The following EYS variants were observed in gnomAD, a reference collection of about 807,000 sequenced individuals.
EYS encodes the protein EGF-like photoreceptor maintenance factor.
EYS carries 250 observed loss-of-function variants against 282.1 expected under a neutral mutation model. That is an observed-to-expected ratio of 0.89 (90% CI 0.80 to 0.98). The LOEUF (loss-of-function observed/expected upper bound fraction) is 0.98. Among genes scored for constraint, EYS ranks in the 50% least tolerant of loss-of-function variants. EYS has a pLI of 0.00. For synonymous variants in EYS, 1,355 were observed against 1,282.9 expected, an observed-to-expected ratio of 1.06 and a Z score of -1.20; for missense variants, 4,016 against 3,709.0, an observed-to-expected ratio of 1.08 and a Z score of -2.15.
intron 22 of EYS, among the ~76,000 whole-genome samples, chr6:64,687,972 A>T (rs2149911387): frequency 6.6e-6 from 1 of 152,072 alleles, no homozygotes; most frequent in Non-Finnish European, 1.5e-5. Context: ...TGTGTCCAGG[A>T]ATTTATCAAT....
rs142974254 is a variant in EYS at position 63,851,092 on chromosome 6, T to C, written c.7228+13094A>G. On this transcript the variant is annotated intron_variant, in intron 36 of 42. Transcript: ENST00000503581. The stretch of plus-strand genomic sequence containing the variant: ...AGAGACAAAGAAGGGCATTACATAA[T>C]GTAAGGGGATTCATGCAACAAGAAG... Among the ~76,000 whole-genome samples, 613 of 152,248 alleles carry C rather than the reference T, an allele frequency of 4.0e-3. 3 individuals carry two copies. The highest frequency in any genetic ancestry group is 0.013 in the African/African-American group (532 of 41,560).
intron 22 of EYS, among the ~76,000 whole-genome samples, chr6:64,759,595 TGA>T (rs1460852959): frequency 6.6e-6 from 1 of 152,114 alleles, no homozygotes; most frequent in Non-Finnish European, 1.5e-5. Flanking sequence ...GAATTAACAC[TGA>T]GAGGTTAAAA....
intron 26 of EYS, among the ~76,000 whole-genome samples, chr6:64,492,463 T>G (rs1251203089): frequency 6.7e-6 from 1 of 149,774 alleles, no homozygotes; most frequent in African/African-American, 2.5e-5. Context: ...ATGCTGGTCC[T>G]GTTTTTTTGT....
intron 26 of EYS, among the ~76,000 whole-genome samples, chr6:64,448,238 C>A (rs565950798): frequency 1.3e-5 from 2 of 152,204 alleles, no homozygotes; most frequent in African/African-American, 4.8e-5. Flanking sequence ...AGGTCCTATG[C>A]CCACGGAGCC....
chr6:64,423,091 A>G (rs145469974), intron 28 of EYS, among the ~76,000 whole-genome samples: 2 of 152,172 alleles, frequency 1.3e-5, no homozygotes, highest in East Asian at 1.9e-4. Context: ...GGATTTACTG[A>G]TTTTTCTGCA....
At chr6:64,734,966 A>G (rs1314938685) in intron 22 of EYS, among the ~76,000 whole-genome samples, 2 of 152,166 alleles carry the variant, frequency 1.3e-5, no homozygotes, top group African/African-American at 4.8e-5. Flanking sequence ...GCACAGAGGT[A>G]TGCTTATATA....
intron 22 of EYS, among the ~76,000 whole-genome samples, chr6:64,693,589 T>C (rs934215208): frequency 5.3e-5 from 8 of 152,118 alleles, no homozygotes; most frequent in African/African-American, 1.9e-4. Flanking sequence ...AGTATCACTA[T>C]GGAGGAAAAA....
At chr6:65,273,463 CTT>C (rs1767957800) in intron 12 of EYS, among the ~76,000 whole-genome samples, 1 of 151,096 alleles carries the variant, frequency 6.6e-6, no homozygotes, top group Admixed American at 6.6e-5. Context: ...AAAGAACAAA[CTT>C]TACTCTACCT....
At chr6:64,554,401 T>A (rs897210896) in intron 26 of EYS, among the ~76,000 whole-genome samples, 1 of 152,030 alleles carries the variant, frequency 6.6e-6, no homozygotes, top group East Asian at 1.9e-4. Flanking sequence ...CAATTAGGTA[T>A]AGAAGAAGGG....
intron 27 of EYS, 114 bp from the exon 28 acceptor site, chr6:64,436,379 A>C (rs917903923): frequency 8.2e-6 from 5 of 609,530 alleles, no homozygotes; most frequent in Admixed American, 2.9e-5. Flanking sequence ...TTGGAGAGAC[A>C]TGAAGTTTGA....
chr6:65,182,635 T>G (rs1460479977), intron 12 of EYS, among the ~76,000 whole-genome samples: 1 of 152,066 alleles, frequency 6.6e-6, no homozygotes, highest in East Asian at 2.0e-4. Context: ...CTCACAAATC[T>G]ATTAGTCTCA....
intron 28 of EYS, among the ~76,000 whole-genome samples, chr6:64,393,858 G>T (rs1400790716): frequency 6.6e-6 from 1 of 150,690 alleles, no homozygotes; most frequent in Non-Finnish European, 1.5e-5. Context: ...GTTTGCAGAC[G>T]ACATGATTGT....
At chr6:63,958,424 G>A (rs1177827409) in intron 35 of EYS, among the ~76,000 whole-genome samples, 2 of 96,050 alleles carry the variant, frequency 2.1e-5, no homozygotes, top group African/African-American at 5.4e-5. Context: ...GCTATGGTTT[G>A]AATGTTTGTG....
chr6:64,519,531 G>T (rs1213105433), intron 26 of EYS, among the ~76,000 whole-genome samples: 1 of 151,802 alleles, frequency 6.6e-6, no homozygotes, highest in Non-Finnish European at 1.5e-5. Context: ...GTGACTTTGT[G>T]TACCTCACTT....
Position 64,592,348 on chromosome 6 carries a change from G to C in EYS, c.3878-359C>G, listed in dbSNP as rs78403489. ...AATGAATGTTTGACCCATCGGGTTA[G>C]AAATGTTAGAAATACCGTTTTACTT... On this transcript the variant is annotated intron_variant, in intron 25 of 42. Coordinates refer to ENST00000503581, the MANE Select transcript of EYS (RefSeq NM_001142800.2). Among the ~76,000 whole-genome samples the C allele has an allele frequency of 3.3e-5, 5 of 152,240 alleles. No individual in the cohort carries two copies. In the East Asian group the frequency reaches 9.6e-4, roughly 29 times the overall value.
chr6:64,217,486 G>T (rs1302086362), intron 31 of EYS, among the ~76,000 whole-genome samples: 1 of 151,976 alleles, frequency 6.6e-6, no homozygotes, highest in Non-Finnish European at 1.5e-5. Flanking sequence ...CTGAGATCAG[G>T]CCCCTGCACT....
chr6:63,952,963 C>T (rs1765663029), intron 35 of EYS, among the ~76,000 whole-genome samples: 1 of 152,160 alleles, frequency 6.6e-6, no homozygotes, highest in Admixed American at 6.5e-5. Flanking sequence ...CCTGACAATT[C>T]TCCCATTTTA....
At chr6:64,394,034 G>C (rs888255696) in intron 28 of EYS, among the ~76,000 whole-genome samples, 28 of 152,028 alleles carry the variant, frequency 1.8e-4, no homozygotes, top group Admixed American at 5.2e-4. Context: ...ATTCACAATT[G>C]CTTCAAAGAG....
chr6:64,699,196 T>G (rs1306033917), intron 22 of EYS, among the ~76,000 whole-genome samples: 2 of 152,074 alleles, frequency 1.3e-5, no homozygotes, highest in African/African-American at 2.4e-5. Context: ...GCTGGAGGCT[T>G]ATTATACTTA....
Sources: gnomAD v4.1 joint callset for allele counts (sites outside exome capture counted in the v4.1 genomes callset) on GRCh38, gnomAD v4.1.1 for gene constraint, MANE v1.5 for transcripts, NCBI Gene and HGNC (gene_info 2026-07-23, HGNC 2026-07-21) for gene names.